Variants in RBFOX2 observed in about 807,000 individuals in gnomAD.
RBFOX2 encodes RNA binding protein fox-1 homolog 2.
RBFOX2 carries 10 observed loss-of-function variants against 49.1 expected under a neutral mutation model. That is an observed-to-expected ratio of 0.20 (90% CI 0.13 to 0.35). RBFOX2 has a LOEUF of 0.35. Among genes scored for constraint, RBFOX2 ranks in the 10% least tolerant of loss-of-function variants. The probability of loss-of-function intolerance (pLI) is 1.00; values close to 1 mark genes in which losing one functional copy is unlikely to be tolerated. For synonymous variants in RBFOX2, 183 were observed against 187.4 expected (o/e 0.98, Z 0.19); for missense variants, 323 against 486.9 (o/e 0.66, Z 3.17).
Position 35,879,229 on chromosome 22 carries a change from A to G in RBFOX2, c.-34+59618T>C, listed in dbSNP as rs2045559544. On this transcript the variant is annotated intron_variant, in intron 1 of 13. Coordinates refer to the RBFOX2 transcript ENST00000359369. ...AGCCCTCCATATTTGTGGGTTCTGC[A>G]TCCCTGGATTCAACCAACCATGAAT... Among the ~76,000 whole-genome samples, 3 of 152,236 alleles carry G rather than the reference A, an allele frequency of 2.0e-5. No homozygotes were observed. In the South Asian group the frequency reaches 6.2e-4, roughly 32 times the overall value.
chr22:35,773,834 GGTGA>G (rs756621441), intron 4 of RBFOX2, among the ~76,000 whole-genome samples: 18 of 152,170 alleles, frequency 1.2e-4, no homozygotes, highest in Admixed American at 4.6e-4. Context: ...GTTGGATGAT[GGTGA>G]GTAAGATGGT....
At chr22:35,851,598 A>G (rs986738275) in intron 1 of RBFOX2, among the ~76,000 whole-genome samples, 1 of 152,130 alleles carries the variant, frequency 6.6e-6, no homozygotes, top group Admixed American at 6.6e-5. Flanking sequence ...AGGCTGAGGC[A>G]GGGGGATCAC....
intron 1 of RBFOX2, among the ~76,000 whole-genome samples, chr22:35,949,252 C>G (rs1215328003): frequency 2.0e-5 from 3 of 152,288 alleles, no homozygotes; most frequent in South Asian, 2.1e-4. Flanking sequence ...ATATGTGGTA[C>G]GTAAAAATCA....
At chr22:35,840,639 T>C (rs529362273), upstream of RBFOX2, 135 of 1,038,420 alleles carry the variant, frequency 1.3e-4, no homozygotes, top group Admixed American at 4.0e-4. Flanking sequence ...TGCGTGTGTG[T>C]GTGTGTGTGT....
chr22:35,879,244 C>T (rs777411229), intron 1 of RBFOX2, among the ~76,000 whole-genome samples: 1 of 152,156 alleles, frequency 6.6e-6, no homozygotes, highest in Non-Finnish European at 1.5e-5. Flanking sequence ...TGGATTCAAC[C>T]AACCATGAAT....
At chr22:35,838,658 G>T (rs1334493554) in intron 1 of RBFOX2, among the ~76,000 whole-genome samples, 1 of 152,154 alleles carries the variant, frequency 6.6e-6, no homozygotes, top group Non-Finnish European at 1.5e-5. Flanking sequence ...TGGCTCTCAT[G>T]GCACAGAGGT....
intron 1 of RBFOX2, among the ~76,000 whole-genome samples, chr22:35,919,306 G>T (rs528127700): frequency 6.6e-6 from 1 of 152,340 alleles, no homozygotes; most frequent in South Asian, 2.1e-4. Flanking sequence ...CAGAGGCTGA[G>T]GCGCGTGGAT....
chr22:35,809,789 T>G (rs766042119), exon 2 of RBFOX2: 2 of 1,613,834 alleles, frequency 1.2e-6, no homozygotes, highest in Non-Finnish European at 1.7e-6. Flanking sequence ...CCGTAAGAGA[T>G]CCATTTTGTG....
rs552229367 is a variant in RBFOX2 at position 35,934,278 on chromosome 22, C to T, written c.-34+4569G>A. 2.6e-5 allele frequency among the ~76,000 whole-genome samples: 4 copies of T among 151,900 alleles called. No homozygotes were observed. The South Asian group carries it at 8.3e-4, about 32-fold the overall frequency. ...ATATATAAGGATCTTGACCTCATATCAGGAAACTAAAGAGTAAGCATATAT... is the reference window on the plus strand; with the variant it reads ...ATATATAAGGATCTTGACCTCATATTAGGAAACTAAAGAGTAAGCATATAT... On this transcript the variant is annotated intron_variant, in intron 1 of 13. Coordinates refer to the RBFOX2 transcript ENST00000359369.
chr22:35,748,609 A>G (rs1319570496), intron 9 of RBFOX2: 8 of 152,120 alleles, frequency 5.3e-5, no homozygotes. Flanking sequence ...TTTGTTTGCT[A>G]GTGTAAAGTT....
chr22:35,777,893 A>G, intron 4 of RBFOX2, 132 bp downstream of exon 5: 1 of 920,662 alleles, frequency 1.1e-6, no homozygotes, highest in South Asian at 1.8e-5. Flanking sequence ...GAGATAATCT[A>G]AACCAAGGTG....
chr22:35,916,278 T>C (rs898510893), intron 1 of RBFOX2, among the ~76,000 whole-genome samples: 1 of 152,146 alleles, frequency 6.6e-6, no homozygotes, highest in African/African-American at 2.4e-5. Flanking sequence ...GAATGGGTGT[T>C]TGCATGTTTG....
chr22:35,982,046 G>A (rs2057482726), intron 1 of RBFOX2, among the ~76,000 whole-genome samples: 1 of 152,146 alleles, frequency 6.6e-6, no homozygotes, highest in Non-Finnish European at 1.5e-5. Flanking sequence ...AGCCAATCAT[G>A]CCAAGGGCTT....
At chr22:35,898,153 T>C (rs1175712953) in intron 1 of RBFOX2, 2 of 743,508 alleles carry the variant, frequency 2.7e-6, no homozygotes, top group African/African-American at 1.7e-5. Context: ...ATCACACCGA[T>C]AGGGTATGAT....
chr22:35,936,757 A>G (rs2053121484), intron 1 of RBFOX2, among the ~76,000 whole-genome samples: 1 of 152,216 alleles, frequency 6.6e-6, no homozygotes, highest in Non-Finnish European at 1.5e-5. Context: ...AAGAAAAAGT[A>G]GGTACAATCA....
chr22:35,924,692 A>G (rs6000036), intron 1 of RBFOX2, among the ~76,000 whole-genome samples: 33,734 of 152,210 alleles, frequency 0.22, 5,815 homozygotes, highest in African/African-American at 0.48. Context: ...TATTTCAACA[A>G]GCTGAAGTTG....
At chr22:35,905,795 C>A (rs2049058986) in intron 1 of RBFOX2, among the ~76,000 whole-genome samples, 1 of 152,014 alleles carries the variant, frequency 6.6e-6, no homozygotes, top group African/African-American at 2.4e-5. Flanking sequence ...CTAATAGAGT[C>A]ATGCACTGCA....
chr22:35,761,274 C>T, exon 8 of RBFOX2: 1 of 1,614,148 alleles, frequency 6.2e-7, no homozygotes, highest in Non-Finnish European at 8.5e-7. Context: ...CCTAGGGACA[C>T]ATCTGCTTGA....
chr22:35,976,776 A>T (rs2057178355), intron 1 of RBFOX2, among the ~76,000 whole-genome samples: 1 of 152,208 alleles, frequency 6.6e-6, no homozygotes, highest in Non-Finnish European at 1.5e-5. Context: ...CAGCCTGGCC[A>T]ACATGGCGAA....
Sources: gnomAD v4.1 joint callset for allele counts (sites outside exome capture counted in the v4.1 genomes callset) on GRCh38, gnomAD v4.1.1 for gene constraint, MANE v1.5 for transcripts, NCBI Gene and HGNC (gene_info 2026-07-23, HGNC 2026-07-21) for gene names.